RASSF5: variants seen among roughly 807,000 people sequenced by gnomAD.
The protein encoded by RASSF5 is ras association domain-containing protein 5.
Under a neutral mutation model 40.5 loss-of-function variants are expected in RASSF5, and 25 were observed. The ratio of observed to expected loss-of-function variants is 0.62; its 90% confidence interval spans 0.45 to 0.86. The LOEUF (loss-of-function observed/expected upper bound fraction) is 0.86. Ranked by LOEUF, RASSF5 falls within the 40% of genes least tolerant of loss-of-function variation. RASSF5 has a pLI of 0.00. For missense variants in RASSF5, 521 were observed against 572.8 expected, an observed-to-expected ratio of 0.91 and a Z score of 0.92; for synonymous variants, 246 against 252.4, an observed-to-expected ratio of 0.97 and a Z score of 0.24.
At chr1:206,544,051 C>T (rs1348736588) in intron 2 of RASSF5, 1 of 152,118 alleles carries the variant, frequency 6.6e-6, no homozygotes, top group East Asian at 1.9e-4. Context: ...TGCACCTGGC[C>T]CTAATGTCAT....
In RASSF5 at chr1:206,587,755, C is replaced by G. The variant is rs1348638804; in HGVS notation, c.*777C>G. 4 of 152,434 alleles carry G rather than the reference C, an allele frequency of 2.6e-5. No homozygotes were observed. Among genetic ancestry groups the G allele is most frequent in the Admixed American group, 1.3e-4 (2 of 15,288 alleles). The allele number at this position is 152,434 out of a possible 1,614,324, so 9.4% of individuals were successfully genotyped here. A position where few individuals can be genotyped will look rare whatever the true frequency, so the allele number is the denominator to read the frequency against. On this transcript the variant is annotated 3_prime_UTR_variant, in exon 6 of 6. Transcript: ENST00000579436. ...ACAAATTTGAATTTAATGTTGTCATCATCGTCATGTGTTTCCCCAAAGGGA... is the reference window on the plus strand; with the variant it reads ...ACAAATTTGAATTTAATGTTGTCATGATCGTCATGTGTTTCCCCAAAGGGA...
At chr1:206,549,468 A>G (rs868907058) in intron 2 of RASSF5, among the ~76,000 whole-genome samples, 81 of 151,930 alleles carry the variant, frequency 5.3e-4, no homozygotes, top group African/African-American at 1.9e-3. Context: ...ACCAATGCTA[A>G]TATCTGTGTC....
chr1:206,576,933 A>G (rs1401102324), intron 2 of RASSF5, among the ~76,000 whole-genome samples: 1 of 151,774 alleles, frequency 6.6e-6, no homozygotes, highest in African/African-American at 2.4e-5. Context: ...CCTCCTGAGT[A>G]GCTGGCACTA....
At chr1:206,551,685 T>C (rs1667846117) in intron 2 of RASSF5, among the ~76,000 whole-genome samples, 3 of 152,250 alleles carry the variant, frequency 2.0e-5, no homozygotes, top group Non-Finnish European at 2.9e-5. Flanking sequence ...CATATTTCTC[T>C]AGAAATCCTT....
At chr1:206,555,654 C>T (rs72755019) in intron 2 of RASSF5, among the ~76,000 whole-genome samples, 42,625 of 152,138 alleles carry the variant, frequency 0.28, 6,294 homozygotes, top group Non-Finnish European at 0.32. Flanking sequence ...TCTCCCTCCT[C>T]TTATCTGCCT....
chr1:206,541,391 C>A (rs1173385182), intron 2 of RASSF5, among the ~76,000 whole-genome samples: 2 of 152,054 alleles, frequency 1.3e-5, no homozygotes, highest in African/African-American at 4.8e-5. Flanking sequence ...CTCTGCCATG[C>A]CACAGGGAGG....
At chr1:206,549,276 G>GGAATTT (rs1667776081) in intron 2 of RASSF5, among the ~76,000 whole-genome samples, 1 of 151,972 alleles carries the variant, frequency 6.6e-6, no homozygotes, top group East Asian at 1.9e-4. Context: ...CCCATCAAAG[G>GGAATTT]CATTGTAAAT....
chr1:206,520,333 G>A (rs149102987), intron 1 of RASSF5, among the ~76,000 whole-genome samples: 107 of 152,176 alleles, frequency 7.0e-4, no homozygotes, highest in Non-Finnish European at 1.2e-3. Flanking sequence ...GTGGCCGGGC[G>A]CGGTGGCTCA....
intron 2 of RASSF5, among the ~76,000 whole-genome samples, chr1:206,569,173 A>G (rs1668369798): frequency 6.6e-6 from 1 of 152,244 alleles, no homozygotes; most frequent in Non-Finnish European, 1.5e-5. Flanking sequence ...AGGCACACAC[A>G]TTTATTTAAC....
At chr1:206,542,047 GA>G (rs1667557949) in intron 2 of RASSF5, 1 of 152,262 alleles carries the variant, frequency 6.6e-6, no homozygotes, top group African/African-American at 2.4e-5. Flanking sequence ...GGAATGCACA[GA>G]TTGCAAGAGA....
chr1:206,549,121 C>T (rs1411982570), intron 2 of RASSF5, among the ~76,000 whole-genome samples: 8 of 110,484 alleles, frequency 7.2e-5, no homozygotes, highest in Admixed American at 3.8e-4. Context: ...CCACCTTGGC[C>T]TCTCAAAGTG....
chr1:206,561,023 G>C (rs782249272), intron 2 of RASSF5, among the ~76,000 whole-genome samples: 30 of 152,300 alleles, frequency 2.0e-4, no homozygotes, highest in Admixed American at 8.5e-4. Context: ...GGCCATTTAA[G>C]GCTTTGACAT....
intron 2 of RASSF5, among the ~76,000 whole-genome samples, chr1:206,573,167 A>C (rs1374641236): frequency 6.6e-6 from 1 of 152,246 alleles, no homozygotes; most frequent in Non-Finnish European, 1.5e-5. Context: ...ACTGCATTTC[A>C]CAAAGAAATC....
At chr1:206,583,738 C>A (rs12724616) in intron 3 of RASSF5, 3 of 259,444 alleles carry the variant, frequency 1.2e-5, no homozygotes, top group Non-Finnish European at 2.3e-5. Flanking sequence ...CCCCTTCCTA[C>A]CCCTTCGATT....
chr1:206,564,118 CTTATCT>C (rs1668221456), intron 2 of RASSF5, among the ~76,000 whole-genome samples: 1 of 152,186 alleles, frequency 6.6e-6, no homozygotes, highest in Admixed American at 6.5e-5. Context: ...TGTGAGTGTC[CTTATCT>C]TCCCTGCTGA....
chr1:206,523,883 A>G (rs1394840342), intron 1 of RASSF5, among the ~76,000 whole-genome samples: 3 of 111,452 alleles, frequency 2.7e-5, no homozygotes, highest in African/African-American at 3.7e-5. Flanking sequence ...TATTTTATAT[A>G]TATTTTTCAT....
intron 1 of RASSF5, among the ~76,000 whole-genome samples, chr1:206,530,871 A>C (rs1667222731): frequency 6.6e-6 from 1 of 152,086 alleles, no homozygotes; most frequent in South Asian, 2.1e-4. Context: ...ACTGTGATGC[A>C]CCTCCAGGTG....
chr1:206,514,746 T>C (rs546306790), intron 1 of RASSF5, among the ~76,000 whole-genome samples: 2 of 152,354 alleles, frequency 1.3e-5, no homozygotes, highest in East Asian at 3.9e-4. Context: ...TTGTTTCTAC[T>C]GGATGCTAGA....
intron 2 of RASSF5, among the ~76,000 whole-genome samples, chr1:206,573,026 T>C (rs943922111): frequency 3.3e-5 from 5 of 152,212 alleles, no homozygotes; most frequent in African/African-American, 1.2e-4. Flanking sequence ...ATCATGATCA[T>C]GATGATGATG....
Sources: gnomAD v4.1 joint callset for allele counts (sites outside exome capture counted in the v4.1 genomes callset) on GRCh38, gnomAD v4.1.1 for gene constraint, MANE v1.5 for transcripts, NCBI Gene and HGNC (gene_info 2026-07-23, HGNC 2026-07-21) for gene names.